Variants in CAMK1D observed in about 807,000 individuals in gnomAD.
The protein encoded by CAMK1D is calcium/calmodulin-dependent protein kinase type 1D.
CAMK1D carries 9 observed loss-of-function variants against 47.7 expected under a neutral mutation model. The observed-to-expected ratio is 0.19, with a 90% CI of 0.11 to 0.33. The LOEUF is 0.33. Ranked by LOEUF, CAMK1D falls within the 10% of genes least tolerant of loss-of-function variation. The pLI, the probability that CAMK1D is intolerant of heterozygous loss-of-function variation, is 1.00. For missense variants in CAMK1D, 291 were observed against 488.7 expected (o/e 0.60, Z 3.81); for synonymous variants, 184 against 184.9 (o/e 0.99, Z 0.04).
intron 1 of CAMK1D, among the ~76,000 whole-genome samples, chr10:12,538,004 C>A (rs1836033173): frequency 6.6e-6 from 1 of 152,130 alleles, no homozygotes; most frequent in Non-Finnish European, 1.5e-5. Flanking sequence ...TTGCTGGATG[C>A]CGTATCAAAT....
intron 10 of CAMK1D, among the ~76,000 whole-genome samples, chr10:12,826,769 C>T (rs1260748559): frequency 2.6e-5 from 4 of 152,244 alleles, no homozygotes; most frequent in African/African-American, 9.6e-5. Context: ...CTGTGAGTGT[C>T]CCCTGACATA....
rs1377377974 is a variant in CAMK1D, at chr10:12,832,408, T to A, written c.*3521T>A. 1 of 152,124 alleles carries A rather than the reference T, an allele frequency of 6.6e-6. No individual in the cohort carries two copies. The highest frequency in any genetic ancestry group is 1.9e-4 in the East Asian group (1 of 5,176). 9.4% of individuals were successfully genotyped at this position (152,124 alleles called of 1,614,324 possible). ...GTGGTGCAGAGGCGCAGGGCACACC[T>A]AGGAGAAGCTCAATGACCACCAAAG... On this transcript the variant is annotated 3_prime_UTR_variant, in exon 11 of 11. Coordinates refer to ENST00000619168, the MANE Select transcript of CAMK1D (RefSeq NM_153498.4).
intron 1 of CAMK1D, among the ~76,000 whole-genome samples, chr10:12,392,051 C>G (rs1407272912): frequency 2.0e-5 from 3 of 150,240 alleles, no homozygotes; most frequent in Non-Finnish European, 4.4e-5. Context: ...CACCTATAAT[C>G]CTAGCACTTT....
intron 1 of CAMK1D, among the ~76,000 whole-genome samples, chr10:12,523,907 A>T (rs143989794): frequency 2.6e-5 from 4 of 151,624 alleles, no homozygotes; most frequent in African/African-American, 4.8e-5. Flanking sequence ...TTATTTATTT[A>T]TTTATTTTTT....
At chr10:12,782,981 G>GTTTTTT (rs869155068) in intron 5 of CAMK1D, among the ~76,000 whole-genome samples, 2 of 134,932 alleles carry the variant, frequency 1.5e-5, no homozygotes, top group Middle Eastern at 3.9e-3. Flanking sequence ...AGTATTTTCA[G>GTTTTTT]TTTTTTTTTT....
intron 3 of CAMK1D, among the ~76,000 whole-genome samples, chr10:12,679,626 A>C (rs1422974897): frequency 6.6e-6 from 1 of 152,248 alleles, no homozygotes; most frequent in Non-Finnish European, 1.5e-5. Flanking sequence ...TAATTTCCTC[A>C]TGCCCTGCAA....
In CAMK1D at chr10:12,515,017, AT is replaced by A. The variant is rs61002392; in HGVS notation, c.93-38196del. Among the ~76,000 whole-genome samples the A allele has an allele frequency of 1.1e-3, 156 of 147,462 alleles. 1 individual carries two copies. Among genetic ancestry groups the A allele is most frequent in the African/African-American group, 3.0e-3 (122 of 40,170 alleles). On this transcript the variant is annotated intron_variant, in intron 1 of 10. Transcript: ENST00000619168. ...AGGTGTGCACCACCACACCTGGCTA[AT>A]TTTTTTTTTTTATTTTTTATTTTTA...
chr10:12,537,292 G>T (rs1836006045), intron 1 of CAMK1D, among the ~76,000 whole-genome samples: 1 of 152,158 alleles, frequency 6.6e-6, no homozygotes, highest in Non-Finnish European at 1.5e-5. Flanking sequence ...GGCTGGTCTC[G>T]AACTCCTGAC....
chr10:12,771,302 A>T (rs1037225175), intron 5 of CAMK1D, among the ~76,000 whole-genome samples: 1 of 152,120 alleles, frequency 6.6e-6, no homozygotes, highest in Non-Finnish European at 1.5e-5. Context: ...CACCTGAGAG[A>T]GGAGGTATGT....
At chr10:12,516,051 A>T (rs943074627) in intron 1 of CAMK1D, among the ~76,000 whole-genome samples, 1 of 152,124 alleles carries the variant, frequency 6.6e-6, no homozygotes, top group African/African-American at 2.4e-5. Context: ...AAGCCATTGT[A>T]TGGTGGTGAA....
At chr10:12,478,047 C>G (rs34384337) in intron 1 of CAMK1D, among the ~76,000 whole-genome samples, 18,640 of 149,738 alleles carry the variant, frequency 0.12, 1,401 homozygotes, top group Non-Finnish European at 0.18. Flanking sequence ...GCTCTGTCAC[C>G]CAGGCTGGAG....
chr10:12,618,600 T>C (rs1408812555), intron 2 of CAMK1D, among the ~76,000 whole-genome samples: 1 of 152,228 alleles, frequency 6.6e-6, no homozygotes, highest in East Asian at 1.9e-4. Flanking sequence ...TTCATTTAAG[T>C]ATCAGGTAAT....
intron 1 of CAMK1D, among the ~76,000 whole-genome samples, chr10:12,413,853 A>G (rs1839756072): frequency 6.6e-6 from 1 of 152,218 alleles, no homozygotes; most frequent in African/African-American, 2.4e-5. Context: ...TGAATTTGTC[A>G]CTGGTATGCA....
At chr10:12,360,814 G>T (rs540158824) in intron 1 of CAMK1D, among the ~76,000 whole-genome samples, 12 of 152,220 alleles carry the variant, frequency 7.9e-5, no homozygotes, top group Admixed American at 6.5e-4. Flanking sequence ...GCCCTAAACT[G>T]TCCTGGGCTC....
chr10:12,367,424 G>A (rs1195744961), intron 1 of CAMK1D, among the ~76,000 whole-genome samples: 2 of 151,902 alleles, frequency 1.3e-5, no homozygotes, highest in African/African-American at 2.4e-5. Flanking sequence ...GATGATTCAA[G>A]CATATTACAT....
chr10:12,407,816 C>A (rs1369482871), intron 1 of CAMK1D, among the ~76,000 whole-genome samples: 2 of 148,704 alleles, frequency 1.3e-5, no homozygotes, highest in Non-Finnish European at 3.0e-5. Flanking sequence ...AAAATGAAAA[C>A]AAATTCCTCC....
chr10:12,679,012 C>T (rs1456131318), intron 3 of CAMK1D, among the ~76,000 whole-genome samples: 9 of 152,174 alleles, frequency 5.9e-5, no homozygotes, highest in Non-Finnish European at 8.8e-5. Context: ...CTGCCTGCCT[C>T]AGTCTCCCAA....
At chr10:12,677,178 C>A (rs1840837383) in intron 3 of CAMK1D, among the ~76,000 whole-genome samples, 1 of 152,168 alleles carries the variant, frequency 6.6e-6, no homozygotes, top group African/African-American at 2.4e-5. Flanking sequence ...CCGCTGTTAG[C>A]TGTCGTGTGG....
At chr10:12,792,344 T>C (rs1838013259) in intron 6 of CAMK1D, among the ~76,000 whole-genome samples, 2 of 152,254 alleles carry the variant, frequency 1.3e-5, no homozygotes, top group Admixed American at 6.5e-5. Flanking sequence ...AATTACAATT[T>C]CTTTTACAAG....
Sources: allele counts gnomAD v4.1 joint callset (sites outside exome capture counted in the v4.1 genomes callset), GRCh38; gene constraint gnomAD v4.1.1; transcripts MANE v1.5; gene names NCBI Gene and HGNC (gene_info 2026-07-23, HGNC 2026-07-21).